Variants in INTS12 observed in about 807,000 individuals in gnomAD.
The protein encoded by INTS12 is PHD finger protein 22.
In INTS12, 13 loss-of-function variants were observed where a neutral mutation model predicts 41.6. The ratio of observed to expected loss-of-function variants is 0.31; its 90% CI spans 0.20 to 0.50. The LOEUF (loss-of-function observed/expected upper bound fraction) is 0.50, where lower values mean the gene tolerates loss of function less well. Among genes scored for constraint, INTS12 ranks in the 20% least tolerant of loss-of-function variants. The probability of loss-of-function intolerance (pLI) is 0.98; values close to 1 mark genes in which losing one functional copy is unlikely to be tolerated. For synonymous variants in INTS12, 199 were observed against 191.4 expected (o/e 1.04, Z -0.33); for missense variants, 432 against 541.6 (o/e 0.80, Z 2.01).
chr4:105,692,311 C>T (rs1251064241), intron 5 of INTS12, among the ~76,000 whole-genome samples, 176 bp from the exon 6 acceptor site: 2 of 151,852 alleles, frequency 1.3e-5, no homozygotes, highest in African/African-American at 4.8e-5. Context: ...CGGTGAAACC[C>T]TGTCTCTACT....
rs372606580 is a variant in INTS12, at chr4:105,695,622, T to A, written c.203A>T (p.Lys68Met). The A allele has an allele frequency of 6.2e-7, 1 of 1,613,224 alleles. No homozygotes were observed. Among genetic ancestry groups the A allele is most frequent in the African/African-American group, 1.3e-5 (1 of 74,906 alleles). ...KISSTKNISI[K>M]QEPKISSSLP... is the part of the protein sequence containing the mutation. ...ACTGGATGATATTTTGGGCTCTTGCTTAATGGAAATGTTTTTTGTGCTTGA... is the reference window on the plus strand; with the variant it reads ...ACTGGATGATATTTTGGGCTCTTGCATAATGGAAATGTTTTTTGTGCTTGA... Residue 68 changes from lysine to methionine, a missense_variant, in exon 4 of 8, where the codon AAG becomes ATG. Physicochemically the swap from Lys to Met is moderately conservative, Grantham distance 95 (BLOSUM62 -1). Transcript: ENST00000340139.
chr4:105,701,858 T>G (rs1732085487), intron 2 of INTS12, among the ~76,000 whole-genome samples: 1 of 152,172 alleles, frequency 6.6e-6, no homozygotes, highest in East Asian at 1.9e-4. Context: ...GCCAAGTATT[T>G]ATTGCTATGT....
intron 1 of INTS12, chr4:105,706,386 C>G (rs1732264164): frequency 6.6e-6 from 1 of 152,000 alleles, no homozygotes; most frequent in Non-Finnish European, 1.5e-5. Flanking sequence ...TCCCAAGCAG[C>G]TAGGACTACA....
intron 3 of INTS12, among the ~76,000 whole-genome samples, chr4:105,698,162 G>A (rs1409674216): frequency 6.6e-6 from 1 of 152,332 alleles, no homozygotes; most frequent in East Asian, 1.9e-4. Context: ...TGTTCTAGTT[G>A]TTGACGGATG....
chr4:105,695,598 C>A lies in INTS12; in HGVS notation c.227G>T (p.Ser76Ile). ...SIKQEPKISSSLPSGNNNGKV... is the reference protein window; with the variant it reads ...SIKQEPKISSILPSGNNNGKV... The stretch of plus-strand genomic sequence containing the variant: ...GCCATTATTATTACCAGAAGGAAGA[C>A]TGGATGATATTTTGGGCTCTTGCTT... Residue 76 changes from serine to isoleucine, a missense_variant, in exon 4 of 8, where the codon AGT becomes ATT. Physicochemically the swap from Ser to Ile is moderately radical, Grantham distance 142 (BLOSUM62 -2). This residue lies in a region of INTS12 where 168 missense variants were observed against 198.9 expected (regional missense o/e 0.84). Coordinates refer to ENST00000340139, the MANE Select transcript of INTS12 (RefSeq NM_020395.4). The A allele has an allele frequency of 6.2e-7, 1 of 1,613,264 alleles. No homozygotes were observed. Among genetic ancestry groups the A allele is most frequent in the Non-Finnish European group, 8.5e-7 (1 of 1,179,662 alleles).
At chr4:105,705,171 A>G (rs1732222579) in intron 1 of INTS12, 1 of 152,212 alleles carries the variant, frequency 6.6e-6, no homozygotes, top group South Asian at 2.1e-4. Context: ...CATCACTTGC[A>G]TTACTACCTG....
chr4:105,695,117 T>C (rs912085062), intron 4 of INTS12, among the ~76,000 whole-genome samples: 1 of 147,554 alleles, frequency 6.8e-6, no homozygotes, highest in African/African-American at 2.5e-5. Flanking sequence ...TTTGTAGAGA[T>C]GGGGTTTCAT....
chr4:105,699,805 C>T (rs1731994883), intron 3 of INTS12, 45 bp downstream of exon 3: 9 of 1,376,046 alleles, frequency 6.5e-6, no homozygotes, highest in Non-Finnish European at 8.8e-6. Flanking sequence ...TGTAGTACTA[C>T]AGGCCTTACA....
intron 6 of INTS12, among the ~76,000 whole-genome samples, chr4:105,689,899 C>T (rs1313243954): frequency 4.6e-5 from 7 of 152,110 alleles, no homozygotes; most frequent in African/African-American, 1.7e-4. Flanking sequence ...GAGTGAGACC[C>T]TGTCTCAGAA....
At chr4:105,698,477 C>G (rs1358830565) in intron 3 of INTS12, among the ~76,000 whole-genome samples, 2 of 152,164 alleles carry the variant, frequency 1.3e-5, no homozygotes, top group African/African-American at 4.8e-5. Context: ...AACCTAAGGG[C>G]AGCGTGCTTT....
chr4:105,693,172 A>C (rs1269882564), intron 5 of INTS12, 127 bp downstream of exon 5: 1 of 623,244 alleles, frequency 1.6e-6, no homozygotes, highest in Non-Finnish European at 2.6e-6. Context: ...TCTCCACCCC[A>C]GTTCCAAATA....
intron 7 of INTS12, among the ~76,000 whole-genome samples, chr4:105,686,400 C>G (rs1731497753): frequency 6.6e-6 from 1 of 152,040 alleles, no homozygotes; most frequent in Non-Finnish European, 1.5e-5. Flanking sequence ...GAATTTAAAC[C>G]AGATTTCTGA....
chr4:105,686,978 T>C (rs1475368259), intron 6 of INTS12, 140 bp from the exon 7 acceptor site: 6 of 689,868 alleles, frequency 8.7e-6, no homozygotes, highest in East Asian at 2.7e-5. Flanking sequence ...TGAATATATA[T>C]GCTCTTTGAC....
At chr4:105,695,345 C>T (rs558921692) in intron 4 of INTS12, among the ~76,000 whole-genome samples, 171 bp downstream of exon 4, 1 of 152,208 alleles carries the variant, frequency 6.6e-6, no homozygotes, top group South Asian at 2.1e-4. Flanking sequence ...AAATTTTACT[C>T]ATTTTTTGAA....
At chr4:105,700,838 A>G (rs1239850856) in intron 2 of INTS12, among the ~76,000 whole-genome samples, 1 of 152,050 alleles carries the variant, frequency 6.6e-6, no homozygotes, top group African/African-American at 2.4e-5. Flanking sequence ...CACAATACTA[A>G]AAAGTTTTGT....
intron 3 of INTS12, 23 bp from the exon 4 acceptor site, chr4:105,695,691 A>C: frequency 6.3e-7 from 1 of 1,589,016 alleles, no homozygotes; most frequent in Non-Finnish European, 8.6e-7. Context: ...AAAAGGTACC[A>C]GTAATTAAAT....
intron 3 of INTS12, among the ~76,000 whole-genome samples, chr4:105,698,598 C>G (rs1019245038): frequency 6.6e-6 from 1 of 152,120 alleles, no homozygotes; most frequent in Admixed American, 6.5e-5. Context: ...CTGGACAATA[C>G]CAACACCCAC....
At chr4:105,697,497 G>C (rs1731909926) in intron 3 of INTS12, among the ~76,000 whole-genome samples, 1 of 152,090 alleles carries the variant, frequency 6.6e-6, no homozygotes, top group Admixed American at 6.5e-5. Context: ...TATGCTGATT[G>C]TTTAGACAAC....
intron 2 of INTS12, among the ~76,000 whole-genome samples, chr4:105,701,303 C>T (rs1002104605): frequency 1.3e-5 from 2 of 149,234 alleles, no homozygotes; most frequent in Admixed American, 6.7e-5. Context: ...AAATTACTGT[C>T]GAATTCTGTA....
Sources: allele counts gnomAD v4.1 joint callset (sites outside exome capture counted in the v4.1 genomes callset), GRCh38; gene constraint gnomAD v4.1.1; regional missense constraint gnomAD v4.1.1; transcripts MANE v1.5; gene names NCBI Gene and HGNC (gene_info 2026-07-23, HGNC 2026-07-21).